Variants in RTN4RL1 observed in about 807,000 individuals in gnomAD.
The protein encoded by RTN4RL1 is reticulon-4 receptor-like 1.
Under a neutral mutation model 25.6 loss-of-function variants are expected in RTN4RL1, and 7 were observed. The observed-to-expected ratio is 0.27, with a 90% confidence interval of 0.16 to 0.51. RTN4RL1 has a LOEUF of 0.51. Ranked by LOEUF, RTN4RL1 falls within the 20% of genes least tolerant of loss-of-function variation. RTN4RL1 has a pLI of 0.97. For synonymous variants in RTN4RL1, 297 were observed against 288.2 expected (o/e 1.03, Z -0.31); for missense variants, 500 against 615.6 (o/e 0.81, Z 1.99).
intron 1 of RTN4RL1, among the ~76,000 whole-genome samples, chr17:2,013,135 C>T (rs2067071033): frequency 6.6e-6 from 1 of 152,004 alleles, no homozygotes; most frequent in Non-Finnish European, 1.5e-5. Flanking sequence ...TTAGTGGGGT[C>T]CTGATAGGAA....
chr17:1,964,031 T>C (rs1415488003), intron 1 of RTN4RL1, among the ~76,000 whole-genome samples: 1 of 152,030 alleles, frequency 6.6e-6, no homozygotes, highest in Non-Finnish European at 1.5e-5. Flanking sequence ...GGGCCTGCCC[T>C]TGGGAGTTCT....
chr17:1,983,952 G>A (rs970845087), intron 1 of RTN4RL1, among the ~76,000 whole-genome samples: 1 of 152,184 alleles, frequency 6.6e-6, no homozygotes, highest in Non-Finnish European at 1.5e-5. Context: ...GGACATGTAA[G>A]CTGGTTTCCC....
At chr17:1,954,965 A>T (rs1915761014) in intron 1 of RTN4RL1, among the ~76,000 whole-genome samples, 1 of 152,204 alleles carries the variant, frequency 6.6e-6, no homozygotes, top group Non-Finnish European at 1.5e-5. Flanking sequence ...GCTCACAGAT[A>T]ATTCTCCTCG....
At chr17:1,989,037 C>T (rs949525568) in intron 1 of RTN4RL1, among the ~76,000 whole-genome samples, 2 of 152,144 alleles carry the variant, frequency 1.3e-5, no homozygotes, top group African/African-American at 2.4e-5. Flanking sequence ...ATGATCACAT[C>T]GTGTTCCCTA....
intron 1 of RTN4RL1, among the ~76,000 whole-genome samples, chr17:2,024,562 G>GC (rs909502589): frequency 2.0e-4 from 30 of 152,138 alleles, no homozygotes; most frequent in African/African-American, 6.8e-4. Flanking sequence ...GTCCCAGGAG[G>GC]CCGGCTCCCC....
intron 1 of RTN4RL1, among the ~76,000 whole-genome samples, chr17:2,004,817 T>A (rs2066982456): frequency 6.6e-6 from 1 of 152,080 alleles, no homozygotes; most frequent in Non-Finnish European, 1.5e-5. Flanking sequence ...TCCTGATCAC[T>A]CACACAGCTC....
chr17:1,966,549 G>A (rs1379142233), intron 1 of RTN4RL1, among the ~76,000 whole-genome samples: 1 of 152,100 alleles, frequency 6.6e-6, no homozygotes, highest in Non-Finnish European at 1.5e-5. Context: ...GCTCAGTGGA[G>A]CGATCTCAGC....
At chr17:1,958,218 C>T (rs182034604) in intron 1 of RTN4RL1, among the ~76,000 whole-genome samples, 11 of 151,924 alleles carry the variant, frequency 7.2e-5, no homozygotes, top group Admixed American at 1.3e-4. Flanking sequence ...AAAACCAAAG[C>T]GAAGTGATTT....
At chr17:2,018,880 G>C (rs1329551935) in intron 1 of RTN4RL1, 1 of 152,408 alleles carries the variant, frequency 6.6e-6, no homozygotes, top group East Asian at 1.9e-4. Context: ...CATGTGGACA[G>C]TGACGGGCAG....
Position 1,936,571 on chromosome 17 carries a change from C to A in RTN4RL1, c.1251G>T (p.Gln417His). ...RTPIRAPSGV[Q>H]QASSASSLGA... ...CCAGGGAACTGGCCGAGGAGGCCTG[C>A]TGCACCCCGCTGGGGGCACGGATGG... Residue 417 changes from glutamine to histidine, a missense_variant, in exon 2 of 2, where the codon CAG becomes CAT. Transcript: ENST00000331238. The A allele has an allele frequency of 1.9e-6, 3 of 1,567,660 alleles. No individual in the cohort carries two copies. Among genetic ancestry groups the A allele is most frequent in the Non-Finnish European group, 2.6e-6 (3 of 1,156,956 alleles).
At chr17:2,001,186 C>T (rs2066955529) in intron 1 of RTN4RL1, among the ~76,000 whole-genome samples, 1 of 151,460 alleles carries the variant, frequency 6.6e-6, no homozygotes, top group East Asian at 1.9e-4. Context: ...CACGCCTGGC[C>T]TTTCATTTAC....
chr17:2,021,614 G>A (rs1278713784), intron 1 of RTN4RL1, among the ~76,000 whole-genome samples: 2 of 144,762 alleles, frequency 1.4e-5, no homozygotes, highest in African/African-American at 2.6e-5. Flanking sequence ...GAGTGCAGTG[G>A]TGCGATCTTG....
At chr17:1,990,051 C>T (rs547239664) in intron 1 of RTN4RL1, among the ~76,000 whole-genome samples, 1 of 150,688 alleles carries the variant, frequency 6.6e-6, no homozygotes, top group East Asian at 1.9e-4. Context: ...AAAATGATTA[C>T]AATGGTAAAT....
chr17:1,962,041 G>A (rs1275601140), intron 1 of RTN4RL1, among the ~76,000 whole-genome samples: 5 of 151,450 alleles, frequency 3.3e-5, no homozygotes, highest in Non-Finnish European at 5.9e-5. Context: ...CAGTGCTTTG[G>A]GAGGCTGAGG....
chr17:1,968,388 G>A (rs1008883607), intron 1 of RTN4RL1, among the ~76,000 whole-genome samples: 5 of 152,048 alleles, frequency 3.3e-5, no homozygotes, highest in African/African-American at 1.2e-4. Context: ...GCTCGGGCCG[G>A]CCGTCCTCTC....
chr17:2,002,790 C>T (rs946223645), intron 1 of RTN4RL1, among the ~76,000 whole-genome samples: 5 of 152,092 alleles, frequency 3.3e-5, no homozygotes, highest in Non-Finnish European at 7.4e-5. Flanking sequence ...AGTCAGGTCC[C>T]GGCGAGGAGG....
intron 1 of RTN4RL1, among the ~76,000 whole-genome samples, chr17:1,970,230 A>G (rs1270725698): frequency 2.6e-5 from 4 of 152,088 alleles, no homozygotes; most frequent in Admixed American, 6.6e-5. Flanking sequence ...CGTGTTGGTC[A>G]TGCTGGTCTC....
intron 1 of RTN4RL1, among the ~76,000 whole-genome samples, chr17:1,984,493 T>C (rs1457302044): frequency 6.6e-6 from 1 of 152,212 alleles, no homozygotes; most frequent in Non-Finnish European, 1.5e-5. Flanking sequence ...CCTCCCAAAG[T>C]GCTGGGATTC....
Position 2,024,853 on chromosome 17 carries a change from C to T in RTN4RL1, c.13G>A (p.Gly5Arg), listed in dbSNP as rs1377763390. 6.3e-7 allele frequency: 1 copy of T among 1,583,918 alleles called. No homozygotes were observed. Among genetic ancestry groups the T allele is most frequent in the East Asian group, 2.3e-5 (1 of 43,134 alleles). Residue 5 changes from glycine (G) to arginine (R), a missense_variant and splice_region_variant, in exon 1 of 2, where the codon GGG becomes AGG. This residue lies in a region of RTN4RL1 where 232 missense variants were observed against 341.1 expected (regional missense o/e 0.68). Coordinates refer to ENST00000331238, the MANE Select transcript of RTN4RL1 (RefSeq NM_178568.4). ...ACTTGCCCCTGCGGCTCCAACTCAC[C>T]TTTGCGAAGCATGTTGGCCACGGGG... MLRK[G>R]CCVELLLLLV...
Sources: allele counts gnomAD v4.1 joint callset (sites outside exome capture counted in the v4.1 genomes callset), GRCh38; gene constraint gnomAD v4.1.1; regional missense constraint gnomAD v4.1.1; transcripts MANE v1.5; gene names NCBI Gene and HGNC (gene_info 2026-07-23, HGNC 2026-07-21).